The following FSTL5 variants were observed in gnomAD, a reference collection of about 807,000 sequenced individuals.
The protein encoded by FSTL5 is follistatin-related protein 5.
A neutral mutation model predicts 89.1 loss-of-function variants in FSTL5; 62 were observed. The observed-to-expected ratio is 0.70, with a 90% CI of 0.57 to 0.86. The LOEUF (loss-of-function observed/expected upper bound fraction) is 0.86. Among genes scored for constraint, FSTL5 ranks in the 40% least tolerant of loss-of-function variants. FSTL5 has a pLI of 0.00. For synonymous variants in FSTL5, 383 were observed against 346.2 expected, an observed-to-expected ratio of 1.11 and a Z score of -1.18; for missense variants, 1,057 against 1,001.6, an observed-to-expected ratio of 1.06 and a Z score of -0.75.
intron 6 of FSTL5, among the ~76,000 whole-genome samples, chr4:161,719,100 A>G (rs1046622449): frequency 3.9e-5 from 6 of 152,230 alleles, no homozygotes; most frequent in African/African-American, 1.4e-4. Flanking sequence ...ATTTTAAATC[A>G]TTAAAACCTG....
At chr4:161,428,714 G>T (rs993603049) in intron 15 of FSTL5, among the ~76,000 whole-genome samples, 1 of 152,090 alleles carries the variant, frequency 6.6e-6, no homozygotes, top group African/African-American at 2.4e-5. Context: ...TGAATAAGGA[G>T]CAGTGATACC....
At chr4:161,481,593 G>A (rs566705712) in intron 12 of FSTL5, among the ~76,000 whole-genome samples, 3 of 152,262 alleles carry the variant, frequency 2.0e-5, no homozygotes, top group African/African-American at 7.2e-5. Context: ...GTTTTGTTAA[G>A]AGTCATGTAA....
chr4:161,684,217 G>T (rs895258247), intron 6 of FSTL5, among the ~76,000 whole-genome samples: 15 of 152,104 alleles, frequency 9.9e-5, no homozygotes, highest in African/African-American at 3.4e-4. Flanking sequence ...TTGCAATTGC[G>T]AATTGTTATG....
intron 15 of FSTL5, among the ~76,000 whole-genome samples, chr4:161,428,809 C>T (rs76684662): frequency 3.9e-5 from 6 of 151,982 alleles, no homozygotes; most frequent in African/African-American, 7.3e-5. Flanking sequence ...AGCTGTGGTG[C>T]CTACAGGGAG....
At chr4:161,685,493 T>A (rs749115194) in intron 6 of FSTL5, among the ~76,000 whole-genome samples, 6 of 152,154 alleles carry the variant, frequency 3.9e-5, no homozygotes, top group Non-Finnish European at 8.8e-5. Context: ...CTAAGTGTTT[T>A]ATTTATTTTA....
intron 4 of FSTL5, among the ~76,000 whole-genome samples, chr4:161,913,959 T>C (rs1733770043): frequency 6.6e-6 from 1 of 152,154 alleles, no homozygotes; most frequent in African/African-American, 2.4e-5. Context: ...TTTGGGTTAA[T>C]GCTGAAATTA....
intron 2 of FSTL5, among the ~76,000 whole-genome samples, chr4:162,035,869 A>G (rs886277536): frequency 1.7e-4 from 26 of 152,200 alleles, no homozygotes; most frequent in African/African-American, 6.3e-4. Context: ...CTGATACATT[A>G]AAGTTTTGCT....
rs564931068 is a variant in FSTL5 at position 161,587,818 on chromosome 4, C to T, written c.895-243G>A. On this transcript the variant is annotated intron_variant, in intron 7 of 15. Coordinates refer to ENST00000306100, the MANE Select transcript of FSTL5 (RefSeq NM_020116.5). ...AGCTTTTTAATATTTATTTGAAATG[C>T]ATGTTTAATATATAAAGTAACTTAA... Among the ~76,000 whole-genome samples, 261 of 152,214 alleles carry T rather than the reference C, an allele frequency of 1.7e-3. 2 individuals are homozygous for T. The highest frequency in any genetic ancestry group is 5.8e-3 in the African/African-American group (242 of 41,548).
At chr4:161,897,481 A>G (rs1330042100) in intron 4 of FSTL5, among the ~76,000 whole-genome samples, 2 of 150,622 alleles carry the variant, frequency 1.3e-5, no homozygotes, top group African/African-American at 2.4e-5. Flanking sequence ...AGACTGAGGC[A>G]GGAGAATTGC....
chr4:161,812,879 CAAAAAAAAAAAAAAAA>C (rs35183730), intron 4 of FSTL5, among the ~76,000 whole-genome samples: 1 of 41,564 alleles, frequency 2.4e-5, no homozygotes, highest in Admixed American at 5.0e-4. Context: ...TAAATCCCAG[CAAAAAAAAAAAAAAAA>C]AAAAAAAAAA....
intron 10 of FSTL5, among the ~76,000 whole-genome samples, chr4:161,515,810 T>C (rs1186518267): frequency 6.6e-6 from 1 of 151,332 alleles, no homozygotes; most frequent in African/African-American, 2.4e-5. Context: ...GGTGTATGTG[T>C]ATGTGTGTGG....
chr4:162,043,080 A>G (rs1377552549), intron 2 of FSTL5: 1 of 152,144 alleles, frequency 6.6e-6, no homozygotes, highest in African/African-American at 2.4e-5. Flanking sequence ...CATGTACCCT[A>G]AAACTTAAAG....
chr4:161,658,670 A>G (rs1736603124), intron 6 of FSTL5, among the ~76,000 whole-genome samples: 1 of 152,216 alleles, frequency 6.6e-6, no homozygotes, highest in Non-Finnish European at 1.5e-5. Context: ...TCGAAACACT[A>G]AAAGTTGAAA....
At chr4:161,477,021 C>T (rs1734175272) in intron 13 of FSTL5, among the ~76,000 whole-genome samples, 1 of 152,140 alleles carries the variant, frequency 6.6e-6, no homozygotes, top group Non-Finnish European at 1.5e-5. Flanking sequence ...AAATTTACAG[C>T]TAATTTTCCT....
intron 1 of FSTL5, among the ~76,000 whole-genome samples, chr4:162,131,846 C>G (rs72986920): frequency 0.095 from 14,524 of 152,226 alleles, 881 homozygotes; most frequent in African/African-American, 0.16. Context: ...CATATTTACA[C>G]TTATCAGATT....
Position 161,544,941 on chromosome 4 carries a change from T to C in FSTL5, c.1016-2248A>G, listed in dbSNP as rs577228110. Among the ~76,000 whole-genome samples, 18 of 152,098 alleles carry C rather than the reference T, an allele frequency of 1.2e-4. No homozygotes were observed. The South Asian group carries it at 3.5e-3, about 30-fold the overall frequency. ...TAGTGATGAATACAATCTGAAACTTTTTTCAATTATATAATCATTGATATT... is the reference window on the plus strand; with the variant it reads ...TAGTGATGAATACAATCTGAAACTTCTTTCAATTATATAATCATTGATATT... On this transcript the variant is annotated intron_variant, in intron 8 of 15. Coordinates refer to ENST00000306100, the MANE Select transcript of FSTL5 (RefSeq NM_020116.5).
chr4:161,654,228 T>C (rs1275562942), intron 7 of FSTL5, among the ~76,000 whole-genome samples: 3 of 152,242 alleles, frequency 2.0e-5, no homozygotes, highest in Non-Finnish European at 2.9e-5. Flanking sequence ...CCAGAGAGTA[T>C]CAATCATAGC....
At chr4:161,455,597 G>GT (rs1482535892) in intron 14 of FSTL5, among the ~76,000 whole-genome samples, 2 of 151,938 alleles carry the variant, frequency 1.3e-5, no homozygotes, top group Admixed American at 6.6e-5. Context: ...ATTTTAAAAC[G>GT]TTTTCCTCCT....
At chr4:161,389,851 C>A (rs1190247468) in intron 15 of FSTL5, among the ~76,000 whole-genome samples, 2 of 152,038 alleles carry the variant, frequency 1.3e-5, no homozygotes, top group African/African-American at 2.4e-5. Context: ...CTCTGTGGGA[C>A]AACAGATTAT....
Sources: gnomAD v4.1 joint callset for allele counts (sites outside exome capture counted in the v4.1 genomes callset) on GRCh38, gnomAD v4.1.1 for gene constraint, MANE v1.5 for transcripts, NCBI Gene and HGNC (gene_info 2026-07-23, HGNC 2026-07-21) for gene names.